The following MATK variants were observed in gnomAD, a reference collection of about 807,000 sequenced individuals.
MATK encodes megakaryocyte-associated tyrosine-protein kinase.
In MATK, 41 loss-of-function variants were observed where a neutral mutation model predicts 59.8. That is an observed-to-expected ratio of 0.69 (90% confidence interval 0.53 to 0.89). MATK has a LOEUF of 0.89. MATK is among the 40% of genes least tolerant of loss of function. MATK has a pLI of 0.00. For synonymous variants in MATK, 308 were observed against 306.1 expected (o/e 1.01, Z -0.06); for missense variants, 593 against 719.6 (o/e 0.82, Z 2.01).
intron 8 of MATK, among the ~76,000 whole-genome samples, chr19:3,780,289 C>T (rs2037381260): frequency 1.3e-5 from 2 of 152,050 alleles, no homozygotes; most frequent in East Asian, 3.9e-4. Context: ...CAAAAAAAAC[C>T]CCACAAAAAA....
chr19:3,799,719 T>C (rs574209901), intron 1 of MATK, among the ~76,000 whole-genome samples: 2 of 152,238 alleles, frequency 1.3e-5, no homozygotes, highest in Non-Finnish European at 1.5e-5. Flanking sequence ...TGGGCGCCTG[T>C]GGTCCCAGCT....
rs187566752 is a variant in MATK, at chr19:3,780,853, G to A, written c.742+754C>T. Among the ~76,000 whole-genome samples the A allele has an allele frequency of 4.0e-5, 6 of 151,284 alleles. No individual in the cohort carries two copies. The East Asian group carries it at 1.2e-3, about 30-fold the overall frequency. Reference sequence around the variant, plus strand: ...TGGGTTCAAGGGATCCTCCCATCCCGGCCTCCTGAGTAGCTGGGACTACAG... The same window carrying A: ...TGGGTTCAAGGGATCCTCCCATCCCAGCCTCCTGAGTAGCTGGGACTACAG... On this transcript the variant is annotated intron_variant, in intron 8 of 13. Coordinates refer to ENST00000310132, the MANE Select transcript of MATK (RefSeq NM_139355.3).
intron 1 of MATK, among the ~76,000 whole-genome samples, chr19:3,795,462 G>T (rs868001410): frequency 1.3e-4 from 20 of 151,828 alleles, no homozygotes; most frequent in Non-Finnish European, 2.4e-4. Flanking sequence ...AGTAGAGATG[G>T]GTTTCATGTT....
At chr19:3,784,968 G>C in intron 2 of MATK, 84 bp from the exon 3 acceptor site, 2 of 1,433,724 alleles carry the variant, frequency 1.4e-6, no homozygotes, top group Non-Finnish European at 2.0e-6. Flanking sequence ...GTCAGGTGGG[G>C]GCGATGGCTG....
Position 3,782,518 on chromosome 19 carries a change from T to A in MATK, c.676+608A>T, listed in dbSNP as rs115316415. 1.7e-3 allele frequency among the ~76,000 whole-genome samples: 261 copies of A among 152,320 alleles called. 2 individuals are homozygous for A. Among genetic ancestry groups the A allele is most frequent in the Middle Eastern group, 6.8e-3 (2 of 294 alleles). ...CATTTCAGGTGAAGGGAACAGAATATACAATGGCTCAGAGGCATGAAGAAA... is the reference window on the plus strand; with the variant it reads ...CATTTCAGGTGAAGGGAACAGAATAAACAATGGCTCAGAGGCATGAAGAAA... On this transcript the variant is annotated intron_variant, in intron 7 of 13. Coordinates refer to ENST00000310132, the MANE Select transcript of MATK (RefSeq NM_139355.3).
rs576652080 is a variant in MATK at position 3,783,979 on chromosome 19, G to A, written c.417C>T (p.Pro139=). The change falls in exon 6 of 14, where the codon CCC becomes CCT. Residue 139 remains proline (P), a synonymous_variant. Transcript: ENST00000310132. ...CCCGCACCAGGAACAGCCCATCCTC[G>A]GGAGGCTGCAGCTGCTGGACAGCCT... is the stretch of plus-strand genomic sequence containing the variant. ...GQEAVQQLQP[P]EDGLFLVRES... The A allele has an allele frequency of 5.6e-6, 9 of 1,611,556 alleles. No individual in the cohort carries two copies. The highest frequency in any genetic ancestry group is 3.3e-5 in the Admixed American group (2 of 59,894).
At chr19:3,792,510 CTTTTTT>C (rs140778999) in intron 1 of MATK, among the ~76,000 whole-genome samples, 2 of 99,746 alleles carry the variant, frequency 2.0e-5, no homozygotes, top group African/African-American at 4.0e-5. Flanking sequence ...ATTTCCAACT[CTTTTTT>C]TTTTTTTTTT....
At chr19:3,798,687 T>C (rs527278999) in intron 1 of MATK, among the ~76,000 whole-genome samples, 1 of 151,986 alleles carries the variant, frequency 6.6e-6, no homozygotes, top group Non-Finnish European at 1.5e-5. Context: ...ATTTTTTTTT[T>C]TTTTGGTAGA....
At chr19:3,794,471 T>G (rs1254813091) in intron 1 of MATK, among the ~76,000 whole-genome samples, 1 of 151,998 alleles carries the variant, frequency 6.6e-6, no homozygotes, top group African/African-American at 2.4e-5. Context: ...CTGGCCAACA[T>G]AGTGAGACCC....
At chr19:3,779,265 G>A in intron 11 of MATK, 78 bp from the exon 12 acceptor site, 1 of 1,548,674 alleles carries the variant, frequency 6.5e-7, no homozygotes, top group African/African-American at 1.4e-5. Context: ...GGGGTGCCTG[G>A]GGCCACAAGC....
In MATK at chr19:3,783,113, G is replaced by C; in HGVS notation, c.676+13C>G. ...GGTAGGGAAGGGGGTCTGCCCTCCTGGGCGTCCCCTACCCCTGGCCAGCTC... is the reference window on the plus strand; with the variant it reads ...GGTAGGGAAGGGGGTCTGCCCTCCTCGGCGTCCCCTACCCCTGGCCAGCTC... On this transcript the variant is annotated intron_variant, in intron 7 of 13. Coordinates refer to ENST00000310132, the MANE Select transcript of MATK (RefSeq NM_139355.3). The C allele has an allele frequency of 1.1e-5, 17 of 1,613,192 alleles. No homozygotes were observed. Among genetic ancestry groups the C allele is most frequent in the Non-Finnish European group, 1.4e-5 (17 of 1,179,632 alleles).
intron 1 of MATK, among the ~76,000 whole-genome samples, chr19:3,793,564 T>C (rs571183835): frequency 3.7e-4 from 57 of 152,200 alleles, no homozygotes; most frequent in Non-Finnish European, 3.7e-4. Context: ...TAGCCAGGTG[T>C]GGTGGCGGGT....
At chr19:3,780,830 G>C (rs911482440) in intron 8 of MATK, among the ~76,000 whole-genome samples, 1 of 151,470 alleles carries the variant, frequency 6.6e-6, no homozygotes, top group African/African-American at 2.4e-5. Flanking sequence ...CAAATTCCTG[G>C]GTTCAAGGGA....
chr19:3,780,869 G>A (rs974275579), intron 8 of MATK, among the ~76,000 whole-genome samples: 2 of 152,024 alleles, frequency 1.3e-5, no homozygotes, highest in Non-Finnish European at 2.9e-5. Context: ...CTGAGTAGCT[G>A]GGACTACAGG....
intron 1 of MATK, among the ~76,000 whole-genome samples, chr19:3,797,527 C>A (rs2037607385): frequency 6.6e-6 from 1 of 151,892 alleles, no homozygotes; most frequent in African/African-American, 2.4e-5. Context: ...CTCAAACAAT[C>A]TGCCTGCCTC....
chr19:3,800,624 C>A (rs1170572358), intron 1 of MATK, among the ~76,000 whole-genome samples: 3 of 151,648 alleles, frequency 2.0e-5, no homozygotes, highest in Non-Finnish European at 4.4e-5. Context: ...CCAGCCTGGG[C>A]AACGGGAGCA....
At chr19:3,778,622 A>C in intron 12 of MATK, 27 bp from the exon 13 acceptor site, 3 of 1,588,918 alleles carry the variant, frequency 1.9e-6, no homozygotes, top group Non-Finnish European at 2.6e-6. Flanking sequence ...GGGGGTGAGG[A>C]GGGACCCCTC....
At chr19:3,785,034 C>T (rs377312021) in intron 2 of MATK, 30 bp downstream of exon 2, 21 of 1,608,038 alleles carry the variant, frequency 1.3e-5, no homozygotes, top group Non-Finnish European at 1.8e-5. Flanking sequence ...GAACTGGCTC[C>T]CCAAGCCCCT....
upstream of MATK, among the ~76,000 whole-genome samples, chr19:3,786,959 C>T (rs1047857979): frequency 3.3e-5 from 5 of 151,874 alleles, no homozygotes; most frequent in South Asian, 2.1e-4. This position sits in a 1 kb window ranked among gnomAD's most constrained non-coding sequence, Gnocchi z 4.1. Flanking sequence ...CTTTTCCAGC[C>T]GGGATTTCCT....
Sources: gnomAD v4.1 joint callset for allele counts (sites outside exome capture counted in the v4.1 genomes callset) on GRCh38, gnomAD v4.1.1 for gene constraint, Gnocchi (gnomAD v3.1) non-coding constraint, MANE v1.5 for transcripts, NCBI Gene and HGNC (gene_info 2026-07-23, HGNC 2026-07-21) for gene names.